ANGPT1: variants seen among roughly 807,000 people sequenced by gnomAD.
ANGPT1 encodes the protein angiopoietin-1.
A neutral mutation model predicts 62.2 loss-of-function variants in ANGPT1; 17 were observed. The ratio of observed to expected loss-of-function variants is 0.27; its 90% CI spans 0.19 to 0.41. The LOEUF is 0.41. Ranked by LOEUF, ANGPT1 falls within the 10% of genes least tolerant of loss-of-function variation. The probability of loss-of-function intolerance (pLI) is 1.00; values close to 1 mark genes in which losing one functional copy is unlikely to be tolerated. For synonymous variants in ANGPT1, 199 were observed against 198.9 expected, an observed-to-expected ratio of 1.00 and a Z score of 0.00; for missense variants, 478 against 594.9, an observed-to-expected ratio of 0.80 and a Z score of 2.04.
intron 1 of ANGPT1, among the ~76,000 whole-genome samples, chr8:107,400,718 C>G (rs916154370): frequency 7.9e-5 from 12 of 152,028 alleles, no homozygotes; most frequent in Non-Finnish European, 1.5e-4. Context: ...TGCCACTACA[C>G]CTGGCTAATT....
chr8:107,333,793 T>C (rs1352899889), intron 3 of ANGPT1, among the ~76,000 whole-genome samples: 1 of 151,808 alleles, frequency 6.6e-6, no homozygotes, highest in Admixed American at 6.6e-5. Context: ...TAAAATATAA[T>C]ATTTCATAGT....
intron 1 of ANGPT1, among the ~76,000 whole-genome samples, chr8:107,442,741 CAT>C (rs1586326136): frequency 6.6e-6 from 1 of 152,222 alleles, no homozygotes; most frequent in African/African-American, 2.4e-5. Flanking sequence ...AAAAGACACA[CAT>C]GTGCACACAC....
intron 4 of ANGPT1, among the ~76,000 whole-genome samples, chr8:107,318,179 G>A (rs1373530449): frequency 6.6e-6 from 1 of 152,144 alleles, no homozygotes; most frequent in South Asian, 2.1e-4. Flanking sequence ...ATGAAGGTTA[G>A]GCAAAAATAA....
At chr8:107,358,682 C>T (rs566817528) in intron 1 of ANGPT1, among the ~76,000 whole-genome samples, 4 of 152,316 alleles carry the variant, frequency 2.6e-5, no homozygotes, top group Admixed American at 6.5e-5. Flanking sequence ...GATCACCTCC[C>T]GGTGTTCCTC....
intron 4 of ANGPT1, among the ~76,000 whole-genome samples, 175 bp from the exon 5 acceptor site, chr8:107,303,542 A>T (rs1004128460): frequency 7.2e-6 from 1 of 139,644 alleles, no homozygotes; most frequent in African/African-American, 2.7e-5. Context: ...TTACAAAATT[A>T]AAAAAAAAAA....
At chr8:107,465,940 C>A (rs1812186689) in intron 1 of ANGPT1, among the ~76,000 whole-genome samples, 1 of 152,096 alleles carries the variant, frequency 6.6e-6, no homozygotes, top group Non-Finnish European at 1.5e-5. Flanking sequence ...GGAACAAGTT[C>A]CAGGAAGGAC....
chr8:107,326,406 T>G (rs573617099), intron 3 of ANGPT1, among the ~76,000 whole-genome samples: 1 of 152,284 alleles, frequency 6.6e-6, no homozygotes, highest in African/African-American at 2.4e-5. Context: ...CTTTATTTAT[T>G]AGGGACATTT....
intron 1 of ANGPT1, among the ~76,000 whole-genome samples, chr8:107,426,145 C>T (rs754299415): frequency 6.6e-6 from 1 of 152,148 alleles, no homozygotes; most frequent in Non-Finnish European, 1.5e-5. Context: ...GCTTCCCCTC[C>T]CACAGAGAAT....
chr8:107,265,707 T>C (rs1392224432), intron 7 of ANGPT1, among the ~76,000 whole-genome samples: 1 of 152,144 alleles, frequency 6.6e-6, no homozygotes, highest in Non-Finnish European at 1.5e-5. Flanking sequence ...ACCCACAGTA[T>C]AGTTAATGGG....
chr8:107,418,435 C>T (rs1024732501), intron 1 of ANGPT1, among the ~76,000 whole-genome samples: 3 of 152,114 alleles, frequency 2.0e-5, no homozygotes, highest in Non-Finnish European at 4.4e-5. Flanking sequence ...TACCAAGTTG[C>T]TTAGTATTCC....
intron 5 of ANGPT1, among the ~76,000 whole-genome samples, chr8:107,300,826 T>C (rs1814569106): frequency 6.6e-6 from 1 of 152,008 alleles, no homozygotes. Flanking sequence ...ATCCACCATT[T>C]TGTAGAAGCG....
At chr8:107,363,575 C>T (rs61199517) in intron 1 of ANGPT1, among the ~76,000 whole-genome samples, 43 of 152,286 alleles carry the variant, frequency 2.8e-4, no homozygotes, top group African/African-American at 1.0e-3. Flanking sequence ...CCTCTCTGTG[C>T]TTTAGCTTCT....
chr8:107,362,010 G>C (rs1010146025), intron 1 of ANGPT1, among the ~76,000 whole-genome samples: 2 of 152,110 alleles, frequency 1.3e-5, no homozygotes, highest in African/African-American at 4.8e-5. Context: ...AGCTGAGATC[G>C]CGCCACTGCA....
chr8:107,388,751 T>C (rs1024806659), intron 1 of ANGPT1, among the ~76,000 whole-genome samples: 6 of 152,134 alleles, frequency 3.9e-5, no homozygotes, highest in Non-Finnish European at 7.4e-5. Flanking sequence ...CAGAGCCGAA[T>C]TGATTGGCTG....
intron 1 of ANGPT1, among the ~76,000 whole-genome samples, chr8:107,352,360 A>G (rs974713398): frequency 1.3e-5 from 2 of 152,174 alleles, no homozygotes; most frequent in African/African-American, 4.8e-5. Flanking sequence ...TAGGCAAAGA[A>G]AACATATTTT....
At position 107,425,644 on chromosome 8, in the gene ANGPT1, G is replaced by A. The variant is rs980976765; in HGVS notation, c.297+71618C>T. Among the ~76,000 whole-genome samples, 13 of 152,168 alleles carry A rather than the reference G, an allele frequency of 8.5e-5. 1 individual carries two copies. The highest frequency in any genetic ancestry group is 1.3e-4 in the Non-Finnish European group (9 of 68,034). On this transcript the variant is annotated intron_variant, in intron 1 of 8. Coordinates refer to ENST00000517746, the MANE Select transcript of ANGPT1 (RefSeq NM_001146.5). The stretch of plus-strand genomic sequence containing the variant: ...TCCCTTGACACATCAGTCTCAAGGT[G>A]TGCTTGTGAGAGGCCGATCCTGGGG...
intron 1 of ANGPT1, among the ~76,000 whole-genome samples, chr8:107,402,547 A>G (rs1817067207): frequency 6.6e-6 from 1 of 152,198 alleles, no homozygotes; most frequent in African/African-American, 2.4e-5. Context: ...GAGTTCTATT[A>G]ATTTTACAGC....
rs142366659 is a variant in ANGPT1, at chr8:107,403,837, G to A, written c.298-56740C>T. 1.6e-3 allele frequency among the ~76,000 whole-genome samples: 239 copies of A among 152,084 alleles called. 2 individuals are homozygous for A. The highest frequency in any genetic ancestry group is 7.9e-3 in the Admixed American group (120 of 15,262). ...GCTTGAAAGCAGAGAGTTGAGTAGT[G>A]AAAAAATGAACAAGATATTTTTATC... is the stretch of plus-strand genomic sequence containing the variant. On this transcript the variant is annotated intron_variant, in intron 1 of 8. Coordinates refer to ENST00000517746, the MANE Select transcript of ANGPT1 (RefSeq NM_001146.5).
chr8:107,260,479 G>GA (rs3838712), intron 8 of ANGPT1, among the ~76,000 whole-genome samples: 129,318 of 151,508 alleles, frequency 0.85, 55,196 homozygotes, highest in Middle Eastern at 0.89. Flanking sequence ...AGTTTAAAAA[G>GA]AAAAAAAAGG....
Sources: gnomAD v4.1 joint callset for allele counts (sites outside exome capture counted in the v4.1 genomes callset) on GRCh38, gnomAD v4.1.1 for gene constraint, MANE v1.5 for transcripts, NCBI Gene and HGNC (gene_info 2026-07-23, HGNC 2026-07-21) for gene names.